The following PRUNE2 variants were observed in gnomAD, a reference collection of about 807,000 sequenced individuals.
The protein encoded by PRUNE2 is protein prune homolog 2.
Under a neutral mutation model 252.0 loss-of-function variants are expected in PRUNE2, and 164 were observed. The observed-to-expected ratio is 0.65, with a 90% CI of 0.57 to 0.74. The LOEUF (loss-of-function observed/expected upper bound fraction) is 0.74. Ranked by LOEUF, PRUNE2 falls within the 30% of genes least tolerant of loss-of-function variation. The pLI is 0.00. For synonymous variants in PRUNE2, 1,292 were observed against 1,350.2 expected (o/e 0.96, Z 0.94); for missense variants, 3,495 against 3,711.0 (o/e 0.94, Z 1.51).
At chr9:76,674,659 A>C (rs1455974814) in intron 9 of PRUNE2, among the ~76,000 whole-genome samples, 1 of 148,904 alleles carries the variant, frequency 6.7e-6, no homozygotes, top group Non-Finnish European at 1.5e-5. Flanking sequence ...CCTGACTTCA[A>C]ACTATACTAC....
chr9:76,671,659 C>T (rs1264363491), intron 9 of PRUNE2, among the ~76,000 whole-genome samples: 4 of 152,076 alleles, frequency 2.6e-5, no homozygotes, highest in African/African-American at 4.8e-5. Context: ...AGAGAAAGGT[C>T]GGGTTACCAT....
At chr9:76,716,904 T>A (rs1305933440) in intron 6 of PRUNE2, among the ~76,000 whole-genome samples, 2 of 151,706 alleles carry the variant, frequency 1.3e-5, no homozygotes, top group African/African-American at 2.4e-5. Context: ...AGTGAGAATA[T>A]GCAGTGTTTG....
chr9:76,730,451 C>A (rs61061685), intron 6 of PRUNE2, among the ~76,000 whole-genome samples: 2,911 of 152,284 alleles, frequency 0.019, 80 homozygotes, highest in African/African-American at 0.066. Flanking sequence ...TCTTGCTAAA[C>A]CACAGATTCT....
chr9:76,674,564 T>C (rs537847525), intron 9 of PRUNE2, among the ~76,000 whole-genome samples: 55 of 151,906 alleles, frequency 3.6e-4, no homozygotes, highest in Middle Eastern at 3.4e-3. Context: ...AAAAAACTAC[T>C]TTAAAGTTCA....
At chr9:76,731,275 C>CCTCT (rs769194090) in intron 6 of PRUNE2, among the ~76,000 whole-genome samples, 20,982 of 130,630 alleles carry the variant, frequency 0.16, 1,886 homozygotes, top group East Asian at 0.43. Context: ...ACATATATTC[C>CCTCT]CTCTCTCTAT....
At chr9:76,765,555 G>T (rs2052261120) in intron 6 of PRUNE2, among the ~76,000 whole-genome samples, 1 of 152,146 alleles carries the variant, frequency 6.6e-6, no homozygotes, top group African/African-American at 2.4e-5. Context: ...CTGATGGGGA[G>T]GTGGCTCAAT....
At chr9:76,802,911 C>G (rs879534060) in intron 6 of PRUNE2, among the ~76,000 whole-genome samples, 1 of 152,054 alleles carries the variant, frequency 6.6e-6, no homozygotes, top group Non-Finnish European at 1.5e-5. Flanking sequence ...ATGCTGACAT[C>G]GACACACTTT....
chr9:76,677,890 C>G (rs1287565539), intron 9 of PRUNE2, among the ~76,000 whole-genome samples: 3 of 152,148 alleles, frequency 2.0e-5, no homozygotes, highest in Non-Finnish European at 4.4e-5. Context: ...ACACTTCCCC[C>G]ACACCCCACG....
At chr9:76,696,722 A>G (rs1323756207) in intron 9 of PRUNE2, among the ~76,000 whole-genome samples, 1 of 152,204 alleles carries the variant, frequency 6.6e-6, no homozygotes, top group African/African-American at 2.4e-5. Context: ...CGCCACGCCC[A>G]GCCTCCACTA....
In PRUNE2 at chr9:76,823,621, C is replaced by T. The variant is rs748378427; in HGVS notation, c.756+11G>A. The T allele has an allele frequency of 2.6e-6, 4 of 1,531,880 alleles. No homozygotes were observed. Among genetic ancestry groups the T allele is most frequent in the African/African-American group, 1.4e-5 (1 of 73,222 alleles). The allele number at this position is 1,531,880 out of a possible 1,614,324, so 94.9% of individuals were successfully genotyped here. ...AATCAATCAATGCTAAAAAAGCATTCCCACCCTTACCTCAAGGTTCATGCT... is the reference window on the plus strand; with the variant it reads ...AATCAATCAATGCTAAAAAAGCATTTCCACCCTTACCTCAAGGTTCATGCT... On this transcript the variant is annotated intron_variant, in intron 6 of 18. Transcript: ENST00000376718.
intron 1 of PRUNE2, among the ~76,000 whole-genome samples, chr9:76,894,920 G>A (rs1239987494): frequency 6.6e-6 from 1 of 152,122 alleles, no homozygotes; most frequent in African/African-American, 2.4e-5. Flanking sequence ...CAGCTACTCA[G>A]GAGGTTGAGG....
chr9:76,716,060 T>C (rs1228451510), intron 6 of PRUNE2, among the ~76,000 whole-genome samples: 1 of 152,188 alleles, frequency 6.6e-6, no homozygotes, highest in Non-Finnish European at 1.5e-5. Context: ...GATTTTTACA[T>C]ATAACAAAAT....
chr9:76,623,703 G>T (rs1833436790), intron 17 of PRUNE2, among the ~76,000 whole-genome samples: 1 of 152,094 alleles, frequency 6.6e-6, no homozygotes, highest in Non-Finnish European at 1.5e-5. Flanking sequence ...ACAGTTTATT[G>T]CCCTGTTGTT....
chr9:76,903,395 G>C (rs1360797072), intron 1 of PRUNE2, among the ~76,000 whole-genome samples: 4 of 151,042 alleles, frequency 2.6e-5, no homozygotes, highest in African/African-American at 9.7e-5. Flanking sequence ...AACCAAACTA[G>C]TAATTAGGCT....
At chr9:76,641,947 C>T (rs1842766515) in intron 12 of PRUNE2, 1 of 1,526,808 alleles carries the variant, frequency 6.5e-7, no homozygotes, top group Non-Finnish European at 8.8e-7. Context: ...GGTCATTTGT[C>T]CAGCAAGACT....
At chr9:76,820,232 C>A (rs752099561) in intron 6 of PRUNE2, among the ~76,000 whole-genome samples, 2 of 152,190 alleles carry the variant, frequency 1.3e-5, no homozygotes, top group Non-Finnish European at 2.9e-5. Flanking sequence ...ATTCTGACTT[C>A]CTGTACTGAG....
At chr9:76,618,656 A>G (rs986428018) in intron 18 of PRUNE2, among the ~76,000 whole-genome samples, 4 of 152,180 alleles carry the variant, frequency 2.6e-5, no homozygotes, top group Non-Finnish European at 5.9e-5. Flanking sequence ...TTGGCCCTGG[A>G]GCTATACTGC....
intron 11 of PRUNE2, among the ~76,000 whole-genome samples, chr9:76,650,746 T>TTAAC (rs1392311563): frequency 3.3e-5 from 5 of 152,244 alleles, no homozygotes; most frequent in African/African-American, 1.2e-4. Context: ...CACAGCTATG[T>TTAAC]TAACTACATT....
chr9:76,831,444 T>C (rs2058673063), intron 4 of PRUNE2, among the ~76,000 whole-genome samples: 1 of 152,098 alleles, frequency 6.6e-6, no homozygotes, highest in Non-Finnish European at 1.5e-5. Context: ...AAAACAATTA[T>C]AGTAATATTT....
Sources: allele counts gnomAD v4.1 joint callset (sites outside exome capture counted in the v4.1 genomes callset), GRCh38; gene constraint gnomAD v4.1.1; transcripts MANE v1.5; gene names NCBI Gene and HGNC (gene_info 2026-07-23, HGNC 2026-07-21).